Variants in SRPK2 observed in about 807,000 individuals in gnomAD.
SRPK2 encodes SFRS protein kinase 2.
SRPK2 carries 21 observed loss-of-function variants against 90.8 expected under a neutral mutation model. The observed-to-expected ratio is 0.23, with a 90% CI of 0.16 to 0.33. SRPK2 has a LOEUF of 0.33. Among genes scored for constraint, SRPK2 ranks in the 10% least tolerant of loss-of-function variants. The pLI is 1.00. For synonymous variants in SRPK2, 288 were observed against 311.1 expected, an observed-to-expected ratio of 0.93 and a Z score of 0.78; for missense variants, 620 against 869.0, an observed-to-expected ratio of 0.71 and a Z score of 3.60.
At chr7:105,318,054 G>A (rs1249109882) in intron 2 of SRPK2, among the ~76,000 whole-genome samples, 2 of 152,140 alleles carry the variant, frequency 1.3e-5, no homozygotes, top group African/African-American at 4.8e-5. Context: ...ACCATGCCGA[G>A]CCAAAAGCAT....
intron 3 of SRPK2, among the ~76,000 whole-genome samples, chr7:105,196,211 G>A (rs895278692): frequency 2.6e-5 from 4 of 152,156 alleles, no homozygotes; most frequent in Non-Finnish European, 5.9e-5. Context: ...GATAGGCAGG[G>A]TTTCTTTTTA....
At chr7:105,345,751 T>C (rs1411292534) in intron 2 of SRPK2, among the ~76,000 whole-genome samples, 2 of 152,214 alleles carry the variant, frequency 1.3e-5, no homozygotes, top group East Asian at 3.8e-4. Flanking sequence ...TGTGAGCTCT[T>C]GGGCCTATGT....
At chr7:105,245,385 G>A (rs75568226) in intron 2 of SRPK2, among the ~76,000 whole-genome samples, 4,560 of 152,272 alleles carry the variant, frequency 0.03, 232 homozygotes, top group African/African-American at 0.1. Context: ...AAGGGTAAAA[G>A]AGCCAGAAAT....
At chr7:105,194,353 A>C (rs1794659317) in intron 3 of SRPK2, among the ~76,000 whole-genome samples, 1 of 152,202 alleles carries the variant, frequency 6.6e-6, no homozygotes, top group African/African-American at 2.4e-5. Context: ...TCATGCATAA[A>C]AGAATGAGGC....
At chr7:105,286,069 C>A (rs1197757975) in intron 2 of SRPK2, among the ~76,000 whole-genome samples, 1 of 152,072 alleles carries the variant, frequency 6.6e-6, no homozygotes, top group Non-Finnish European at 1.5e-5. Flanking sequence ...AACTGAGGTA[C>A]AAAAAGGCTA....
chr7:105,331,322 A>AAAC (rs1814327331), intron 2 of SRPK2, among the ~76,000 whole-genome samples: 1 of 133,750 alleles, frequency 7.5e-6, no homozygotes, highest in Non-Finnish European at 1.6e-5. Flanking sequence ...AAAAAAAAAA[A>AAAC]AAAAAAAAAA....
intron 2 of SRPK2, among the ~76,000 whole-genome samples, chr7:105,351,921 CTG>C: frequency 1.6e-4 from 1 of 6,244 alleles, no homozygotes. Flanking sequence ...GTAAAGCAGG[CTG>C]TGCAGTTTGA....
At chr7:105,244,652 C>T (rs879121643) in intron 2 of SRPK2, 18 of 854,532 alleles carry the variant, frequency 2.1e-5, no homozygotes, top group Non-Finnish European at 3.2e-5. Context: ...AGCAGCAGCC[C>T]TGGCTCTGCG....
chr7:105,115,821 C>G (rs188605711), downstream of SRPK2, among the ~76,000 whole-genome samples: 2 of 152,180 alleles, frequency 1.3e-5, no homozygotes, highest in East Asian at 1.9e-4. Context: ...TGATAAAAAT[C>G]CTTTTACACT....
intron 2 of SRPK2, among the ~76,000 whole-genome samples, chr7:105,356,444 A>C (rs1431093006): frequency 6.6e-6 from 1 of 152,232 alleles, no homozygotes; most frequent in Non-Finnish European, 1.5e-5. Flanking sequence ...AAAATTTTTA[A>C]GCCCAGTTTA....
rs549263038 is a variant in SRPK2, at chr7:105,187,602, G to A, written c.229+16026C>T. On this transcript the variant is annotated intron_variant, in intron 3 of 15. Coordinates refer to ENST00000393651, the MANE Select transcript of SRPK2 (RefSeq NM_182692.3). The stretch of plus-strand genomic sequence containing the variant: ...CTAAATGCTATTATTAAATCCTTCC[G>A]TCTTGAAAACTCTTTTTTTATACCT... Among the ~76,000 whole-genome samples the A allele has an allele frequency of 7.9e-5, 12 of 152,052 alleles. No individual in the cohort carries two copies. In the East Asian group the frequency reaches 1.3e-3, roughly 17 times the overall value.
intron 2 of SRPK2, among the ~76,000 whole-genome samples, chr7:105,253,967 A>G (rs1046931850): frequency 1.3e-5 from 2 of 152,222 alleles, no homozygotes; most frequent in African/African-American, 4.8e-5. Context: ...GTTTAGAGTG[A>G]GAGGCTTGAA....
upstream of SRPK2, among the ~76,000 whole-genome samples, chr7:105,394,145 C>CTTT (rs746514839): frequency 7.1e-6 from 1 of 139,938 alleles, no homozygotes; most frequent in Non-Finnish European, 1.6e-5. Flanking sequence ...TTCTTTCTTT[C>CTTT]TTTTTTTTTT....
chr7:105,252,834 C>T (rs1334568535), intron 2 of SRPK2, among the ~76,000 whole-genome samples: 1 of 151,342 alleles, frequency 6.6e-6, no homozygotes, highest in African/African-American at 2.4e-5. Flanking sequence ...CCTCCTGTCT[C>T]CCAGGTTCAA....
At chr7:105,379,956 G>A (rs1260155029) in intron 2 of SRPK2, among the ~76,000 whole-genome samples, 7 of 151,922 alleles carry the variant, frequency 4.6e-5, no homozygotes, top group South Asian at 2.1e-4. Flanking sequence ...CCAGCCTAGC[G>A]AAAGAGCAAG....
At chr7:105,218,792 A>G (rs1797757634) in intron 2 of SRPK2, among the ~76,000 whole-genome samples, 1 of 152,196 alleles carries the variant, frequency 6.6e-6, no homozygotes, top group Non-Finnish European at 1.5e-5. Context: ...TAATTTAAGC[A>G]TGACTGGGGA....
intron 2 of SRPK2, among the ~76,000 whole-genome samples, chr7:105,301,351 G>A (rs12155184): frequency 0.41 from 62,601 of 151,320 alleles, 14,813 homozygotes; most frequent in Non-Finnish European, 0.53. Context: ...GCAGCTGGGC[G>A]CTGCCGAGGC....
At chr7:105,389,014 G>T (rs865829579), upstream of SRPK2, 3 of 883,294 alleles carry the variant, frequency 3.4e-6, no homozygotes, top group Admixed American at 2.2e-4. Flanking sequence ...CGCCGGCCCC[G>T]GGGGTCGGGA....
chr7:105,335,126 G>A (rs1443449078), intron 2 of SRPK2, among the ~76,000 whole-genome samples: 2 of 151,984 alleles, frequency 1.3e-5, no homozygotes, highest in Non-Finnish European at 2.9e-5. Flanking sequence ...AGCCGAGATC[G>A]CACCAATGCA....
Sources: allele counts gnomAD v4.1 joint callset (sites outside exome capture counted in the v4.1 genomes callset), GRCh38; gene constraint gnomAD v4.1.1; transcripts MANE v1.5; gene names NCBI Gene and HGNC (gene_info 2026-07-23, HGNC 2026-07-21).